PCDHA12: variants seen among roughly 807,000 people sequenced by gnomAD.
PCDHA12 encodes protocadherin alpha-12.
In PCDHA12, 44 loss-of-function variants were observed where a neutral mutation model predicts 60.0. That is an observed-to-expected ratio of 0.73 (90% CI 0.58 to 0.94). The LOEUF (loss-of-function observed/expected upper bound fraction) is 0.94, where lower values mean the gene tolerates loss of function less well. Among genes scored for constraint, PCDHA12 ranks in the 40% least tolerant of loss-of-function variants. The pLI is 0.00. For synonymous variants in PCDHA12, 569 were observed against 553.0 expected (o/e 1.03, Z -0.40); for missense variants, 1,276 against 1,239.7 (o/e 1.03, Z -0.44).
rs1554181471 is a variant in PCDHA12, at chr5:140,884,352, A to G, written c.2367+6513A>G. ...GTGGGTCCAGAAGCGGCGCTGGTGG[A>G]TGTCAATGTTTACTTGATCATTGCC... is the stretch of plus-strand genomic sequence containing the variant. On this transcript the variant is annotated intron_variant, in intron 1 of 3. Transcript: ENST00000398631. The G allele has an allele frequency of 2.5e-6, 4 of 1,613,710 alleles. No individual in the cohort carries two copies. The Admixed American group carries it at 5.0e-5, about 20-fold the overall frequency.
intron 1 of PCDHA12, chr5:140,968,812 T>C (rs782711806): frequency 6.2e-7 from 1 of 1,614,064 alleles, no homozygotes; most frequent in Non-Finnish European, 8.5e-7. Context: ...CTGTGGTGGA[T>C]AGGGTTTCCA....
chr5:140,933,300 A>G (rs541308392), intron 1 of PCDHA12, among the ~76,000 whole-genome samples: 41 of 152,132 alleles, frequency 2.7e-4, no homozygotes, highest in African/African-American at 9.4e-4. Context: ...ATCTGGAAAT[A>G]AATATGCAAT....
At chr5:140,987,941 G>A (rs1554249697) in intron 3 of PCDHA12, among the ~76,000 whole-genome samples, 1 of 152,104 alleles carries the variant, frequency 6.6e-6, no homozygotes, top group African/African-American at 2.4e-5. Flanking sequence ...ATTCTTACCT[G>A]TCTGACAAAA....
At position 140,896,858 on chromosome 5, in the gene PCDHA12, A is replaced by T. The variant is rs1448787828; in HGVS notation, c.2367+19019A>T. On this transcript the variant is annotated intron_variant, in intron 1 of 3. Coordinates refer to ENST00000398631, the MANE Select transcript of PCDHA12 (RefSeq NM_018903.4). Reference sequence around the variant, plus strand: ...TATTTTTTAATTTTATGGGTACATAATAAGTGTACATATTTATGGGGTATA... The same window carrying T: ...TATTTTTTAATTTTATGGGTACATATTAAGTGTACATATTTATGGGGTATA... Among the ~76,000 whole-genome samples, 3 of 152,310 alleles carry T rather than the reference A, an allele frequency of 2.0e-5. No homozygotes were observed. In the South Asian group the frequency reaches 6.2e-4, roughly 32 times the overall value.
chr5:140,896,432 G>C (rs2065542713), intron 1 of PCDHA12, among the ~76,000 whole-genome samples: 1 of 152,008 alleles, frequency 6.6e-6, no homozygotes, highest in African/African-American at 2.4e-5. Context: ...ATTCTGACTG[G>C]TGTGACTGCA....
Position 140,877,730 on chromosome 5 carries a change from A to G in PCDHA12, c.2258A>G (p.Gln753Arg), listed in dbSNP as rs782465464. 1 of 1,614,146 alleles carries G rather than the reference A, an allele frequency of 6.2e-7. No individual in the cohort carries two copies. Among genetic ancestry groups the G allele is most frequent in the Non-Finnish European group, 8.5e-7 (1 of 1,180,018 alleles). The change falls in exon 1 of 4, where the codon CAG becomes CGG. Residue 753 changes from glutamine (Q) to arginine (R), a missense_variant. Transcript: ENST00000398631. Reference protein sequence around the residue: ...SAVGSWSYSQQRRQRVCSAES... With the variant: ...SAVGSWSYSQRRRQRVCSAES... ...GTGGGGAGTTGGTCTTACTCGCAGC[A>G]GAGGAGGCAGAGGGTGTGCTCTGCA...
chr5:140,903,765 C>G (rs782453519), intron 1 of PCDHA12, among the ~76,000 whole-genome samples: 1 of 152,086 alleles, frequency 6.6e-6, no homozygotes. Flanking sequence ...TTTTGCTGAA[C>G]TTTTCTATCC....
chr5:140,943,632 G>A (rs1351799858), intron 1 of PCDHA12, among the ~76,000 whole-genome samples: 1 of 152,098 alleles, frequency 6.6e-6, no homozygotes, highest in Non-Finnish European at 1.5e-5. Flanking sequence ...AAGGAAGCTG[G>A]ATTATGGATA....
At chr5:140,932,059 AT>A (rs2087988463) in intron 1 of PCDHA12, among the ~76,000 whole-genome samples, 1 of 151,936 alleles carries the variant, frequency 6.6e-6, no homozygotes, top group Non-Finnish European at 1.5e-5. Context: ...AATACTAAAA[AT>A]TATCAGTTTA....
intron 1 of PCDHA12, among the ~76,000 whole-genome samples, chr5:140,935,903 T>TTC (rs1289164766): frequency 4.6e-4 from 69 of 151,456 alleles, no homozygotes; most frequent in African/African-American, 1.6e-3. Flanking sequence ...TCTTTTTTTT[T>TTC]TTTTTTTGAG....
At position 140,966,710 on chromosome 5, in the gene PCDHA12, G is replaced by T. The variant is rs552888876; in HGVS notation, c.2368-12239G>T. The T allele has an allele frequency of 2.9e-6, 4 of 1,391,664 alleles. No individual in the cohort carries two copies. In the South Asian group the frequency reaches 6.5e-5, roughly 23 times the overall value. The allele number at this position is 1,391,664 out of a possible 1,614,324, so 86.2% of individuals were successfully genotyped here. A position where few individuals can be genotyped will look rare whatever the true frequency, so the allele number is the denominator to read the frequency against. On this transcript the variant is annotated intron_variant, in intron 1 of 3. Transcript: ENST00000398631. ...AGGCGGGGCCCGGGCGTGGGGCACG[G>T]CTGGGGAAGCTGCCGCCTCCGGCCC...
rs1554168889 is a variant in PCDHA12 at position 140,876,762 on chromosome 5, G to A, written c.1290G>A (p.Gly430=). The part of the protein sequence containing the change: ...AYELVVTARD[G]GSPSLWATAR... ...AGCTGGTGGTGACTGCGCGGGATGG[G>A]GGCTCGCCTTCGCTGTGGGCCACGG... Residue 430 remains glycine (G), a synonymous_variant, in exon 1 of 4, where the codon GGG becomes GGA. Transcript: ENST00000398631. The A allele has an allele frequency of 3.7e-6, 6 of 1,614,252 alleles. No homozygotes were observed. The highest frequency in any genetic ancestry group is 5.1e-6 in the Non-Finnish European group (6 of 1,180,044).
chr5:140,934,858 CTT>C (rs1462067711), intron 1 of PCDHA12, among the ~76,000 whole-genome samples: 1 of 152,136 alleles, frequency 6.6e-6, no homozygotes, highest in African/African-American at 2.4e-5. Flanking sequence ...GCTCCTGAGT[CTT>C]TGTGAGTGTG....
In PCDHA12 at chr5:140,969,100, C is replaced by T. The variant is rs781998624; in HGVS notation, c.2368-9849C>T. ...ATGGCCTCAAAGTGCAGCCTCACTT[C>T]ATTGAAGTTCGAGGGAATGGCTCCC... On this transcript the variant is annotated intron_variant, in intron 1 of 3. Coordinates refer to ENST00000398631, the MANE Select transcript of PCDHA12 (RefSeq NM_018903.4). The T allele has an allele frequency of 8.7e-6, 14 of 1,614,054 alleles. No individual in the cohort carries two copies. The South Asian group carries it at 8.8e-5, about 10-fold the overall frequency.
intron 3 of PCDHA12, among the ~76,000 whole-genome samples, chr5:141,006,960 G>A (rs1183082923): frequency 6.6e-6 from 1 of 152,184 alleles, no homozygotes; most frequent in Non-Finnish European, 1.5e-5. Flanking sequence ...TTATACATGA[G>A]ATTGGAGCAC....
At chr5:141,001,025 TA>T (rs1300694860) in intron 3 of PCDHA12, among the ~76,000 whole-genome samples, 1 of 152,246 alleles carries the variant, frequency 6.6e-6, no homozygotes, top group African/African-American at 2.4e-5. Context: ...ACACTTATAA[TA>T]ATAGCTTTAA....
intron 1 of PCDHA12, chr5:140,930,355 C>G (rs1044171600): frequency 6.6e-6 from 1 of 151,448 alleles, no homozygotes; most frequent in Non-Finnish European, 1.5e-5. Context: ...TCAAATATTT[C>G]AATTTATCTG....
Position 141,000,393 on chromosome 5 carries a change from CTCTATA to C in PCDHA12, c.2516-9232_2516-9227del, listed in dbSNP as rs1213195269. 6.1e-3 allele frequency among the ~76,000 whole-genome samples: 322 copies of C among 52,630 alleles called. 2 individuals are homozygous for C. Among genetic ancestry groups the C allele is most frequent in the Admixed American group, 0.01 (36 of 3,506 alleles). 34.5% of individuals were successfully genotyped at this position (52,630 alleles called of 152,430 possible). A position where few individuals can be genotyped will look rare whatever the true frequency, so the allele number is the denominator to read the frequency against. ...TCTCTCTCTCTCTCTCTCTCTCTCT[CTCTATA>C]TATATATATATATATATATATATTT... On this transcript the variant is annotated intron_variant, in intron 3 of 3. Transcript: ENST00000398631.
intron 1 of PCDHA12, among the ~76,000 whole-genome samples, chr5:140,951,776 T>C (rs1301757181): frequency 2.6e-5 from 4 of 152,140 alleles, no homozygotes; most frequent in East Asian, 1.9e-4. Context: ...CGTTCTTACA[T>C]TGCAAAATAC....
Sources: allele counts gnomAD v4.1 joint callset (sites outside exome capture counted in the v4.1 genomes callset), GRCh38; gene constraint gnomAD v4.1.1; transcripts MANE v1.5; gene names NCBI Gene and HGNC (gene_info 2026-07-23, HGNC 2026-07-21).